The following PALS2 variants were observed in gnomAD, a reference collection of about 807,000 sequenced individuals.
PALS2 encodes protein PALS2.
In PALS2, 27 loss-of-function variants were observed where a neutral mutation model predicts 61.6. The observed-to-expected ratio is 0.44, with a 90% CI of 0.32 to 0.60. The LOEUF (loss-of-function observed/expected upper bound fraction) is 0.60, where lower values mean the gene tolerates loss of function less well. Among genes scored for constraint, PALS2 ranks in the 20% least tolerant of loss-of-function variants. The pLI, the probability that PALS2 is intolerant of heterozygous loss-of-function variation, is 0.05. For synonymous variants in PALS2, 236 were observed against 218.6 expected (o/e 1.08, Z -0.70); for missense variants, 554 against 639.4 (o/e 0.87, Z 1.44).
chr7:24,591,752 G>C (rs1039771533), intron 1 of PALS2, among the ~76,000 whole-genome samples: 3 of 151,858 alleles, frequency 2.0e-5, no homozygotes, highest in South Asian at 2.1e-4. Flanking sequence ...TCAATATATA[G>C]CCTTTTTTAT....
At chr7:24,675,962 G>A (rs1448820835) in intron 9 of PALS2, among the ~76,000 whole-genome samples, 2 of 149,844 alleles carry the variant, frequency 1.3e-5, no homozygotes, top group Admixed American at 6.6e-5. Flanking sequence ...TTGAGGAATC[G>A]CCACACTGAC....
chr7:24,687,793 TGTACTA>T lies in PALS2; in HGVS notation c.*180_*185del. On this transcript the variant is annotated 3_prime_UTR_variant, in exon 12 of 12. Transcript: ENST00000222644. The surrounding 1 kb of genome is among the most constrained non-coding windows in gnomAD (Gnocchi z 4.5). Reference sequence around the variant, plus strand: ...TTTTATATAAAATGTGGTTGGAAGGTGTACTAATATATAATTTATCTTAATTTTTCT... The same window carrying T: ...TTTTATATAAAATGTGGTTGGAAGGTATATATAATTTATCTTAATTTTTCT... The T allele has an allele frequency of 4.2e-6, 2 of 476,222 alleles. No homozygotes were observed. The highest frequency in any genetic ancestry group is 6.9e-6 in the Non-Finnish European group (2 of 287,816). 29.5% of individuals were successfully genotyped at this position (476,222 alleles called of 1,614,324 possible). A position where few individuals can be genotyped will look rare whatever the true frequency, so the allele number is the denominator to read the frequency against.
chr7:24,687,795 T>C lies in PALS2; in HGVS notation c.*181T>C. 5 of 463,890 alleles carry C rather than the reference T, an allele frequency of 1.1e-5. No individual in the cohort carries two copies. The highest frequency in any genetic ancestry group is 1.8e-5 in the Non-Finnish European group (5 of 279,342). 28.7% of individuals were successfully genotyped at this position (463,890 alleles called of 1,614,324 possible). A position where few individuals can be genotyped will look rare whatever the true frequency, so the allele number is the denominator to read the frequency against. ...TTATATAAAATGTGGTTGGAAGGTG[T>C]ACTAATATATAATTTATCTTAATTT... On this transcript the variant is annotated 3_prime_UTR_variant, in exon 12 of 12. Coordinates refer to ENST00000222644, the MANE Select transcript of PALS2 (RefSeq NM_001303037.2). This position sits in a 1 kb window ranked among gnomAD's most constrained non-coding sequence, Gnocchi z 4.5.
intron 2 of PALS2, among the ~76,000 whole-genome samples, chr7:24,632,689 C>T (rs1785051183): frequency 6.6e-6 from 1 of 152,074 alleles, no homozygotes; most frequent in East Asian, 1.9e-4. Context: ...ATCCAGCCAA[C>T]AGTCTCTTTT....
At chr7:24,635,150 C>G (rs1304545460) in intron 2 of PALS2, among the ~76,000 whole-genome samples, 3 of 152,134 alleles carry the variant, frequency 2.0e-5, no homozygotes, top group Non-Finnish European at 4.4e-5. Flanking sequence ...ATCCGTAGTT[C>G]GTTCTGGGGA....
At chr7:24,607,040 C>T (rs926626627) in intron 1 of PALS2, among the ~76,000 whole-genome samples, 2 of 151,982 alleles carry the variant, frequency 1.3e-5, no homozygotes, top group South Asian at 2.1e-4. Context: ...CCTGTTGGTG[C>T]GCAAGAAATT....
In PALS2 at chr7:24,618,116, C is replaced by G. The variant is rs983142928; in HGVS notation, c.-2-5550C>G. Among the ~76,000 whole-genome samples, 1 of 152,172 alleles carries G rather than the reference C, an allele frequency of 6.6e-6. No homozygotes were observed. The highest frequency in any genetic ancestry group is 1.5e-5 in the Non-Finnish European group (1 of 68,036). On this transcript the variant is annotated intron_variant, in intron 1 of 11. Coordinates refer to ENST00000222644, the MANE Select transcript of PALS2 (RefSeq NM_001303037.2). This position sits in a 1 kb window ranked among gnomAD's most constrained non-coding sequence, Gnocchi z 5.1. ...CTTCACCAGAGGCTAGCCTGCCAGGCTGTTTTTCAGGCTCAGGACATGGGT... is the reference window on the plus strand; with the variant it reads ...CTTCACCAGAGGCTAGCCTGCCAGGGTGTTTTTCAGGCTCAGGACATGGGT...
At chr7:24,622,781 G>C (rs890023418) in intron 1 of PALS2, among the ~76,000 whole-genome samples, 1 of 150,688 alleles carries the variant, frequency 6.6e-6, no homozygotes, top group African/African-American at 2.4e-5. Flanking sequence ...TCCTTATTAG[G>C]AGTAAAAGCA....
intron 1 of PALS2, among the ~76,000 whole-genome samples, chr7:24,577,904 A>G (rs992111519): frequency 9.2e-5 from 14 of 152,246 alleles, no homozygotes; most frequent in African/African-American, 3.4e-4. Flanking sequence ...CATACTCACT[A>G]GAATATAAGC....
chr7:24,686,312 T>G (rs1490305956), intron 11 of PALS2, among the ~76,000 whole-genome samples: 2 of 152,146 alleles, frequency 1.3e-5, no homozygotes, highest in African/African-American at 4.8e-5. Flanking sequence ...CTGCTTCCAC[T>G]CATGTCATGC....
intron 1 of PALS2, among the ~76,000 whole-genome samples, chr7:24,599,772 C>T (rs577303382): frequency 5.3e-5 from 8 of 151,702 alleles, no homozygotes; most frequent in Admixed American, 2.6e-4. Flanking sequence ...CCCAAAGTGC[C>T]GGGATTACAG....
intron 5 of PALS2, among the ~76,000 whole-genome samples, chr7:24,653,297 A>G (rs895051304): frequency 6.6e-5 from 10 of 152,194 alleles, no homozygotes; most frequent in African/African-American, 2.2e-4. Flanking sequence ...CCAGATGAAA[A>G]GAGAATAACC....
intron 1 of PALS2, among the ~76,000 whole-genome samples, chr7:24,611,627 A>T (rs1784115825): frequency 6.6e-6 from 1 of 152,028 alleles, no homozygotes; most frequent in South Asian, 2.1e-4. Context: ...ATATAGGTTT[A>T]TCAGAATTAT....
At chr7:24,619,982 A>G (rs1026895670) in intron 1 of PALS2, 1 of 152,094 alleles carries the variant, frequency 6.6e-6, no homozygotes, top group East Asian at 1.9e-4. Flanking sequence ...GTTTTTACAT[A>G]TACTAGAGTT....
At chr7:24,634,891 A>G (rs1785166483) in intron 2 of PALS2, among the ~76,000 whole-genome samples, 1 of 152,136 alleles carries the variant, frequency 6.6e-6, no homozygotes, top group Non-Finnish European at 1.5e-5. Flanking sequence ...GGCCACTGAC[A>G]TGTGGTTTTA....
chr7:24,676,208 T>G (rs1231970606), intron 9 of PALS2, among the ~76,000 whole-genome samples: 1 of 147,432 alleles, frequency 6.8e-6, no homozygotes, highest in Non-Finnish European at 1.5e-5. Context: ...CTTCGCCCAC[T>G]TTTTGATGGG....
At chr7:24,629,141 A>G (rs1237290092) in intron 2 of PALS2, among the ~76,000 whole-genome samples, 7 of 152,152 alleles carry the variant, frequency 4.6e-5, no homozygotes, top group Non-Finnish European at 1.5e-5. Context: ...ACAAAAACAA[A>G]TATATAGACC....
At chr7:24,619,322 A>G (rs1303622922) in intron 1 of PALS2, among the ~76,000 whole-genome samples, 2 of 152,134 alleles carry the variant, frequency 1.3e-5, no homozygotes, top group Non-Finnish European at 1.5e-5. Context: ...AGTCTAATGC[A>G]TGCTGCTAGT....
At chr7:24,621,641 A>G (rs76546476) in intron 1 of PALS2, among the ~76,000 whole-genome samples, 6,273 of 152,122 alleles carry the variant, frequency 0.041, 162 homozygotes, top group Non-Finnish European at 0.058. Flanking sequence ...TTAAATTCCT[A>G]GTAATTACTT....
Sources: allele counts gnomAD v4.1 joint callset (sites outside exome capture counted in the v4.1 genomes callset), GRCh38; gene constraint gnomAD v4.1.1; non-coding constraint Gnocchi (gnomAD v3.1); transcripts MANE v1.5; gene names NCBI Gene and HGNC (gene_info 2026-07-23, HGNC 2026-07-21).